GULP1: variants seen among roughly 807,000 people sequenced by gnomAD.
GULP1 encodes the protein GULP PTB domain containing engulfment adaptor 1.
In GULP1, 19 loss-of-function variants were observed where a neutral mutation model predicts 40.9. The observed-to-expected ratio is 0.46, with a 90% CI of 0.32 to 0.68. GULP1 has a LOEUF of 0.68. GULP1 is among the 30% of genes least tolerant of loss of function. The pLI, the probability that GULP1 is intolerant of heterozygous loss-of-function variation, is 0.03. For missense variants in GULP1, 312 were observed against 362.2 expected, an observed-to-expected ratio of 0.86 and a Z score of 1.12; for synonymous variants, 119 against 117.6, an observed-to-expected ratio of 1.01 and a Z score of -0.08.
At chr2:188,517,719 G>C (rs1005250736) in intron 4 of GULP1, among the ~76,000 whole-genome samples, 1 of 151,826 alleles carries the variant, frequency 6.6e-6, no homozygotes, top group East Asian at 1.9e-4. Context: ...TGTTTTCCTC[G>C]GTCTGTTTTC....
intron 1 of GULP1, among the ~76,000 whole-genome samples, chr2:188,362,887 G>T (rs2046283461): frequency 6.6e-6 from 1 of 151,184 alleles, no homozygotes; most frequent in Non-Finnish European, 1.5e-5. Flanking sequence ...TGGAGATCTA[G>T]CACATCTTAC....
At position 188,292,167 on chromosome 2, in the gene GULP1, G is replaced by A. The variant is rs371303261; in HGVS notation, c.-172+1G>A. On this transcript the variant is annotated splice_donor_variant, in intron 1 of 11. Coordinates refer to ENST00000409830, the MANE Select transcript of GULP1 (RefSeq NM_016315.4). LOFTEE classifies it low-confidence loss of function (5UTR_SPLICE). The surrounding 1 kb of genome is among the most constrained non-coding windows in gnomAD (Gnocchi z 4.0). ...TGACCCGACTGCCTCTCTCAGTGAGGTACGGAGATTTATCTAGGCTCTTCC... is the reference window on the plus strand; with the variant it reads ...TGACCCGACTGCCTCTCTCAGTGAGATACGGAGATTTATCTAGGCTCTTCC... 1 of 152,392 alleles carries A rather than the reference G, an allele frequency of 6.6e-6. No individual in the cohort carries two copies. Among genetic ancestry groups the A allele is most frequent in the East Asian group, 1.9e-4 (1 of 5,174 alleles). 9.4% of individuals were successfully genotyped at this position (152,392 alleles called of 1,614,324 possible). A position where few individuals can be genotyped will look rare whatever the true frequency, so the allele number is the denominator to read the frequency against.
At chr2:188,414,084 G>A (rs924598437) in intron 2 of GULP1, among the ~76,000 whole-genome samples, 1 of 151,918 alleles carries the variant, frequency 6.6e-6, no homozygotes, top group Non-Finnish European at 1.5e-5. Context: ...AGGCATGGTG[G>A]TGCGTGCCTG....
At chr2:188,415,729 G>A (rs1559215371) in intron 2 of GULP1, among the ~76,000 whole-genome samples, 1 of 152,120 alleles carries the variant, frequency 6.6e-6, no homozygotes, top group Admixed American at 6.5e-5. Context: ...AGGATTAAAA[G>A]CACAAGATTG....
At chr2:188,382,369 T>G (rs1387214635) in intron 1 of GULP1, among the ~76,000 whole-genome samples, 32 of 152,194 alleles carry the variant, frequency 2.1e-4, no homozygotes, top group Non-Finnish European at 8.8e-5. Context: ...CCAGCCAGAT[T>G]AAGCTGCAGT....
chr2:188,314,183 A>C (rs1034283659), intron 1 of GULP1, among the ~76,000 whole-genome samples: 2 of 152,060 alleles, frequency 1.3e-5, no homozygotes, highest in African/African-American at 4.8e-5. Flanking sequence ...ATAGCCTTCA[A>C]GTTACTTAAT....
At chr2:188,540,788 T>G (rs1690268874) in intron 6 of GULP1, among the ~76,000 whole-genome samples, 1 of 152,092 alleles carries the variant, frequency 6.6e-6, no homozygotes, top group Non-Finnish European at 1.5e-5. Context: ...ATTGCTCTGG[T>G]TTAAAAGAGT....
intron 1 of GULP1, among the ~76,000 whole-genome samples, chr2:188,370,145 C>T (rs1423092611): frequency 6.6e-6 from 1 of 152,130 alleles, no homozygotes; most frequent in Admixed American, 6.5e-5. Flanking sequence ...TGCCTACTCT[C>T]GTATCTTCAG....
chr2:188,294,704 C>T (rs1174924406), intron 1 of GULP1, among the ~76,000 whole-genome samples: 2 of 152,156 alleles, frequency 1.3e-5, no homozygotes, highest in Non-Finnish European at 2.9e-5. Context: ...TCACCCTCAG[C>T]CAAATGTTTT....
intron 4 of GULP1, among the ~76,000 whole-genome samples, chr2:188,499,133 GTGTATA>G (rs376932417): frequency 0.12 from 13,913 of 120,436 alleles, 892 homozygotes; most frequent in East Asian, 0.25. Flanking sequence ...ATATATGTGT[GTGTATA>G]TATATATATA....
chr2:188,378,442 C>T (rs556169561), intron 1 of GULP1, among the ~76,000 whole-genome samples: 6 of 152,174 alleles, frequency 3.9e-5, no homozygotes, highest in East Asian at 3.9e-4. Flanking sequence ...TGAAATTGTA[C>T]GTTGTCTTTG....
At chr2:188,517,839 C>T (rs1252334534) in intron 4 of GULP1, among the ~76,000 whole-genome samples, 1 of 152,048 alleles carries the variant, frequency 6.6e-6, no homozygotes, top group Non-Finnish European at 1.5e-5. Context: ...ATGTGGACTT[C>T]TGCTTAGTAT....
At chr2:188,528,263 C>G (rs1300332928) in intron 5 of GULP1, among the ~76,000 whole-genome samples, 1 of 151,804 alleles carries the variant, frequency 6.6e-6, no homozygotes, top group Non-Finnish European at 1.5e-5. Context: ...TGTGTTTGTG[C>G]CTATATTTTA....
intron 1 of GULP1, among the ~76,000 whole-genome samples, chr2:188,369,920 G>A (rs900406063): frequency 2.6e-5 from 4 of 152,142 alleles, no homozygotes; most frequent in Admixed American, 2.0e-4. Flanking sequence ...CATGGCTCAC[G>A]TCAGTCTTGA....
intron 6 of GULP1, among the ~76,000 whole-genome samples, chr2:188,533,493 A>G (rs1389608637): frequency 1.3e-5 from 2 of 152,216 alleles, no homozygotes; most frequent in African/African-American, 4.8e-5. Context: ...GATGGATCAA[A>G]TATTTAAATG....
chr2:188,464,023 T>A (rs968861721), intron 2 of GULP1, among the ~76,000 whole-genome samples: 2 of 152,184 alleles, frequency 1.3e-5, no homozygotes, highest in African/African-American at 4.8e-5. Flanking sequence ...TGATGTCTTA[T>A]TTAGTTCATT....
intron 1 of GULP1, among the ~76,000 whole-genome samples, chr2:188,311,693 G>T (rs1211222107): frequency 7.1e-6 from 1 of 140,622 alleles, no homozygotes; most frequent in Non-Finnish European, 1.5e-5. Context: ...AGCATTTTAT[G>T]ATAAGCATTA....
chr2:188,540,018 A>G (rs1473943561), intron 6 of GULP1, among the ~76,000 whole-genome samples: 1 of 152,098 alleles, frequency 6.6e-6, no homozygotes, highest in East Asian at 1.9e-4. Context: ...ATAACCTAAA[A>G]TAAAGCTTTT....
intron 2 of GULP1, among the ~76,000 whole-genome samples, chr2:188,458,272 C>A (rs1575391964): frequency 6.6e-6 from 1 of 152,144 alleles, no homozygotes; most frequent in Non-Finnish European, 1.5e-5. Context: ...TCTCTCTTTT[C>A]TGTATCACCA....
Sources: allele counts gnomAD v4.1 joint callset (sites outside exome capture counted in the v4.1 genomes callset), GRCh38; gene constraint gnomAD v4.1.1; non-coding constraint Gnocchi (gnomAD v3.1); transcripts MANE v1.5; gene names NCBI Gene and HGNC (gene_info 2026-07-23, HGNC 2026-07-21).